Variants in RAB3A observed in about 807,000 individuals in gnomAD.
RAB3A encodes the protein ras-related protein Rab-3A.
Under a neutral mutation model 19.7 loss-of-function variants are expected in RAB3A, and 5 were observed. The observed-to-expected ratio is 0.25, with a 90% CI of 0.13 to 0.53. RAB3A has a LOEUF of 0.53. Among genes scored for constraint, RAB3A ranks in the 20% least tolerant of loss-of-function variants. RAB3A has a pLI of 0.95. For synonymous variants in RAB3A, 119 were observed against 122.1 expected, an observed-to-expected ratio of 0.97 and a Z score of 0.17; for missense variants, 189 against 305.6, an observed-to-expected ratio of 0.62 and a Z score of 2.85.
Position 18,202,845 on chromosome 19 carries a change from T to C in RAB3A, c.1-105A>G. The C allele has an allele frequency of 1.2e-6, 1 of 836,820 alleles. No individual in the cohort carries two copies. Among genetic ancestry groups the C allele is most frequent in the Non-Finnish European group, 2.0e-6 (1 of 501,576 alleles). The allele number at this position is 836,820 out of a possible 1,614,324, so 51.8% of individuals were successfully genotyped here. A position where few individuals can be genotyped will look rare whatever the true frequency, so the allele number is the denominator to read the frequency against. On this transcript the variant is annotated intron_variant, in intron 1 of 4. Coordinates refer to ENST00000222256, the MANE Select transcript of RAB3A (RefSeq NM_002866.5). This position sits in a 1 kb window ranked among gnomAD's most constrained non-coding sequence, Gnocchi z 4.2. ...AGGGCTCCAGAAAACGGCCGGTGTA[T>C]GGAGGACACCCTTATCCCATCAGGA... is the stretch of plus-strand genomic sequence containing the variant.
rs777450993 is a variant in RAB3A, at chr19:18,197,491, C to T, written c.642G>A (p.Pro214=). Residue 214 remains proline, a synonymous_variant, in exon 5 of 5, where the codon CCG becomes CCA. Coordinates refer to ENST00000222256, the MANE Select transcript of RAB3A (RefSeq NM_002866.5). The part of the protein sequence containing the change: ...GPQLSDQQVP[P]HQDCAC The stretch of plus-strand genomic sequence containing the variant: ...GCTCTCAGCAGGCGCAGTCCTGGTG[C>T]GGTGGCACCTGCTGGTCACTGAGCT... 39 of 1,612,482 alleles carry T rather than the reference C, an allele frequency of 2.4e-5. No homozygotes were observed. Among genetic ancestry groups the T allele is most frequent in the Middle Eastern group, 3.8e-4 (2 of 5,290 alleles).
chr19:18,198,696 G>T lies in RAB3A; in HGVS notation c.472+29C>A. ...CTCTTAGTGTCCTTTTTCTAGACTT[G>T]TGGGTCTCCAGCCCAGCTGGGCACT... is the stretch of plus-strand genomic sequence containing the variant. On this transcript the variant is annotated intron_variant, in intron 4 of 4. Coordinates refer to ENST00000222256, the MANE Select transcript of RAB3A (RefSeq NM_002866.5). The T allele has an allele frequency of 1.9e-6, 3 of 1,612,782 alleles. No homozygotes were observed. In the African/African-American group the frequency reaches 4.0e-5, roughly 22 times the overall value.
rs1169108162 is a variant in RAB3A, at chr19:18,196,974, A to AGAGGAGCCT, written c.*487_*495dup. On this transcript the variant is annotated 3_prime_UTR_variant, in exon 5 of 5. Coordinates refer to ENST00000222256, the MANE Select transcript of RAB3A (RefSeq NM_002866.5). The stretch of plus-strand genomic sequence containing the variant: ...CCCCCCACCAAAAGAGAAAACGGGG[A>AGAGGAGCCT]GAGGAGCCTGGCAGGCCAGACTCTG... The AGAGGAGCCT allele has an allele frequency of 6.1e-5, 9 of 147,968 alleles. No homozygotes were observed. The highest frequency in any genetic ancestry group is 2.6e-4 in the African/African-American group (9 of 34,026). 9.2% of individuals were successfully genotyped at this position (147,968 alleles called of 1,614,324 possible). A position where few individuals can be genotyped will look rare whatever the true frequency, so the allele number is the denominator to read the frequency against.
intron 4 of RAB3A, 82 bp from the exon 5 acceptor site, chr19:18,197,742 C>T: frequency 1.6e-6 from 2 of 1,263,280 alleles, no homozygotes; most frequent in Middle Eastern, 2.6e-4. Context: ...GGAAAGGGAA[C>T]ACCTGGAGAT....
At chr19:18,199,137 C>T (rs1452298949) in intron 3 of RAB3A, among the ~76,000 whole-genome samples, 1 of 152,114 alleles carries the variant, frequency 6.6e-6, no homozygotes, top group Non-Finnish European at 1.5e-5. Context: ...ACTGGAATTA[C>T]AGGCATGAGC....
rs1600026658 is a variant in RAB3A at position 18,197,459 on chromosome 19, T to G, written c.*11A>C. The G allele has an allele frequency of 6.2e-7, 1 of 1,600,842 alleles. No individual in the cohort carries two copies. Among genetic ancestry groups the G allele is most frequent in the South Asian group, 1.1e-5 (1 of 90,240 alleles). ...AAGACAGGGAAGAGGGGAAAGGGAGTGGGATGGCTCTCAGCAGGCGCAGTC... is the reference window on the plus strand; with the variant it reads ...AAGACAGGGAAGAGGGGAAAGGGAGGGGGATGGCTCTCAGCAGGCGCAGTC... On this transcript the variant is annotated 3_prime_UTR_variant, in exon 5 of 5. Coordinates refer to ENST00000222256, the MANE Select transcript of RAB3A (RefSeq NM_002866.5).
chr19:18,202,370 G>C lies in RAB3A; in HGVS notation c.228+143C>G. 1.4e-6 allele frequency: 1 copy of C among 707,884 alleles called. No individual in the cohort carries two copies. The highest frequency in any genetic ancestry group is 2.4e-6 in the Non-Finnish European group (1 of 420,382). 43.9% of individuals were successfully genotyped at this position (707,884 alleles called of 1,614,324 possible). A position where few individuals can be genotyped will look rare whatever the true frequency, so the allele number is the denominator to read the frequency against. On this transcript the variant is annotated intron_variant, in intron 2 of 4. Coordinates refer to ENST00000222256, the MANE Select transcript of RAB3A (RefSeq NM_002866.5). The surrounding 1 kb of genome is among the most constrained non-coding windows in gnomAD (Gnocchi z 4.2). ...GAACACAGGTGCTGTTTCTGCCCCGGTACACAGTGGGCACCTTACTGATAA... is the reference window on the plus strand; with the variant it reads ...GAACACAGGTGCTGTTTCTGCCCCGCTACACAGTGGGCACCTTACTGATAA...
In RAB3A at chr19:18,197,500, C is replaced by T; in HGVS notation, c.633G>A (p.Gln211=). 2 of 1,612,932 alleles carry T rather than the reference C, an allele frequency of 1.2e-6. No individual in the cohort carries two copies. The highest frequency in any genetic ancestry group is 1.7e-6 in the Non-Finnish European group (2 of 1,179,776). ...AGGCGCAGTCCTGGTGCGGTGGCAC[C>T]TGCTGGTCACTGAGCTGTGGGCCCT... is the stretch of plus-strand genomic sequence containing the variant. The part of the protein sequence containing the change: ...AKQGPQLSDQ[Q]VPPHQDCAC Residue 211 remains glutamine, a synonymous_variant, in exon 5 of 5, where the codon CAG becomes CAA. Transcript: ENST00000222256.
rs1403788434 is a variant in RAB3A, at chr19:18,202,733, G to C, written c.8C>G (p.Ser3Cys). 2 of 1,613,912 alleles carry C rather than the reference G, an allele frequency of 1.2e-6. No individual in the cohort carries two copies. The highest frequency in any genetic ancestry group is 8.5e-7 in the Non-Finnish European group (1 of 1,179,838). ...CTGCCCATAGCGCGAGTCTGTGGCG[G>C]ATGCCATCTGGGGATACCGGGTGTA... MA[S>C]ATDSRYGQKE... Residue 3 changes from serine to cysteine, a missense_variant, in exon 2 of 5, where the codon TCC becomes TGC. By Grantham distance (112) the Ser-to-Cys change is moderately radical. Coordinates refer to ENST00000222256, the MANE Select transcript of RAB3A (RefSeq NM_002866.5). This position sits in a 1 kb window ranked among gnomAD's most constrained non-coding sequence, Gnocchi z 4.2.
Position 18,197,198 on chromosome 19 carries a change from A to T in RAB3A, c.*272T>A. The T allele has an allele frequency of 5.9e-6, 2 of 340,834 alleles. No homozygotes were observed. Among genetic ancestry groups the T allele is most frequent in the Non-Finnish European group, 1.0e-5 (2 of 198,330 alleles). 21.1% of individuals were successfully genotyped at this position (340,834 alleles called of 1,614,324 possible). A position where few individuals can be genotyped will look rare whatever the true frequency, so the allele number is the denominator to read the frequency against. On this transcript the variant is annotated 3_prime_UTR_variant, in exon 5 of 5. Coordinates refer to ENST00000222256, the MANE Select transcript of RAB3A (RefSeq NM_002866.5). ...CGGGGGGGGGGGGTTCAGGAGGGTGAGCGGTGAGTTCACGGGGCCACGAGA... is the reference window on the plus strand; with the variant it reads ...CGGGGGGGGGGGGTTCAGGAGGGTGTGCGGTGAGTTCACGGGGCCACGAGA...
intron 2 of RAB3A, among the ~76,000 whole-genome samples, chr19:18,200,690 T>C (rs921494929): frequency 6.6e-6 from 1 of 151,810 alleles, no homozygotes; most frequent in East Asian, 1.9e-4. Flanking sequence ...ATCCCAGCAC[T>C]ATGGGAGGCT....
intron 3 of RAB3A, among the ~76,000 whole-genome samples, chr19:18,199,255 G>C (rs1967576094): frequency 6.6e-6 from 1 of 151,560 alleles, no homozygotes; most frequent in African/African-American, 2.4e-5. Flanking sequence ...CTCCCAGGTT[G>C]AAGTGATTCT....
intron 1 of RAB3A, among the ~76,000 whole-genome samples, chr19:18,203,306 A>G (rs1374618949): frequency 6.6e-6 from 1 of 152,226 alleles, no homozygotes; most frequent in African/African-American, 2.4e-5. Context: ...ACTGAGGTGC[A>G]CAGGACAAAG....
At chr19:18,198,643 G>C in intron 4 of RAB3A, 82 bp downstream of exon 4, 2 of 1,552,536 alleles carry the variant, frequency 1.3e-6, no homozygotes, top group Non-Finnish European at 1.7e-6. Context: ...GGCTTTAGCT[G>C]TAAGACCTTG....
Position 18,197,407 on chromosome 19 carries a change from G to A in RAB3A, c.*63C>T. ...CCCGTGGCTGGTAGGGGCCGGGTCA[G>A]GCCCGGGTAGTTGGGGGAAGGTGGG... On this transcript the variant is annotated 3_prime_UTR_variant, in exon 5 of 5. Coordinates refer to ENST00000222256, the MANE Select transcript of RAB3A (RefSeq NM_002866.5). The A allele has an allele frequency of 1.3e-6, 2 of 1,543,588 alleles. No individual in the cohort carries two copies. Among genetic ancestry groups the A allele is most frequent in the Non-Finnish European group, 1.8e-6 (2 of 1,134,492 alleles).
chr19:18,200,322 C>A lies in RAB3A; in HGVS notation c.347+5G>T, dbSNP rs1967590363. 1 of 1,588,332 alleles carries A rather than the reference C, an allele frequency of 6.3e-7. No homozygotes were observed. Among genetic ancestry groups the A allele is most frequent in the African/African-American group, 1.4e-5 (1 of 73,690 alleles). On this transcript the variant is annotated splice_donor_5th_base_variant and intron_variant, in intron 3 of 4. Coordinates refer to ENST00000222256, the MANE Select transcript of RAB3A (RefSeq NM_002866.5). Reference sequence around the variant, plus strand: ...AAAAAAAAAGAGCAAGTGGGGTACACTCACCAGTCCTGCACTGCATTGAAG... The same window carrying A: ...AAAAAAAAAGAGCAAGTGGGGTACAATCACCAGTCCTGCACTGCATTGAAG...
At position 18,196,921 on chromosome 19, in the gene RAB3A, C is replaced by T. The variant is rs1276028783; in HGVS notation, c.*549G>A. The stretch of plus-strand genomic sequence containing the variant: ...TCTGGTGGGCGGGGGGGGGGGGGGT[C>T]CCAGGGTGGTGAATACCCACAGCAC... On this transcript the variant is annotated 3_prime_UTR_variant, in exon 5 of 5. Transcript: ENST00000222256. 1.3e-5 allele frequency: 1 copy of T among 79,740 alleles called. No homozygotes were observed. The highest frequency in any genetic ancestry group is 2.7e-5 in the Non-Finnish European group (1 of 37,312). 4.9% of individuals were successfully genotyped at this position (79,740 alleles called of 1,614,324 possible).
In RAB3A at chr19:18,202,681, G is replaced by A; in HGVS notation, c.60C>T (p.Asp20=). The A allele has an allele frequency of 3.1e-6, 5 of 1,614,184 alleles. No homozygotes were observed. The highest frequency in any genetic ancestry group is 4.2e-6 in the Non-Finnish European group (5 of 1,180,032). ...CGATGATGAGAATCTTGAACATGTA[G>A]TCGAAGTTCTGATCCGAGGACTCCT... ...GQKESSDQNF[D]YMFKILIIGN... Residue 20 remains aspartate (D), a synonymous_variant, in exon 2 of 5, where the codon GAC becomes GAT. Transcript: ENST00000222256. The surrounding 1 kb of genome is among the most constrained non-coding windows in gnomAD (Gnocchi z 4.2).
rs1967547913 is a variant in RAB3A, at chr19:18,197,564, G to A, written c.569C>T (p.Ser190Leu). The A allele has an allele frequency of 5.6e-6, 9 of 1,613,940 alleles. No homozygotes were observed. Among genetic ancestry groups the A allele is most frequent in the South Asian group, 1.1e-5 (1 of 91,072 alleles). ...VDVICEKMSE[S>L]LDTADPAVTG... is the part of the protein sequence containing the mutation. Reference sequence around the variant, plus strand: ...GACCGCAGGGTCCGCCGTGTCCAACGACTCGGACATCTTCTCGCAGATGAC... The same window carrying A: ...GACCGCAGGGTCCGCCGTGTCCAACAACTCGGACATCTTCTCGCAGATGAC... The change falls in exon 5 of 5, where the codon TCG becomes TTG. Residue 190 changes from serine (S) to leucine (L), a missense_variant. Physicochemically the swap from Ser to Leu is moderately radical, Grantham distance 145 (BLOSUM62 -2). Transcript: ENST00000222256.
Sources: gnomAD v4.1 joint callset for allele counts (sites outside exome capture counted in the v4.1 genomes callset) on GRCh38, gnomAD v4.1.1 for gene constraint, Gnocchi (gnomAD v3.1) non-coding constraint, MANE v1.5 for transcripts, NCBI Gene and HGNC (gene_info 2026-07-23, HGNC 2026-07-21) for gene names.